Variants in CASR observed in about 807,000 individuals in gnomAD.
CASR encodes the protein extracellular calcium-sensing receptor.
In CASR, 23 loss-of-function variants were observed where a neutral mutation model predicts 69.1. The ratio of observed to expected loss-of-function variants is 0.33; its 90% CI spans 0.24 to 0.47. CASR has a LOEUF of 0.47. CASR is among the 20% of genes least tolerant of loss of function. The pLI, the probability that CASR is intolerant of heterozygous loss-of-function variation, is 1.00. For missense variants in CASR, 924 were observed against 1,356.1 expected (o/e 0.68, Z 5.00); for synonymous variants, 541 against 544.7 (o/e 0.99, Z 0.10).
intron 1 of CASR, among the ~76,000 whole-genome samples, chr3:122,220,909 G>T (rs1415416804): frequency 8.5e-5 from 13 of 152,306 alleles, no homozygotes; most frequent in Admixed American, 8.5e-4. Flanking sequence ...AGGAAGCAGA[G>T]GTTGCAATGA....
In CASR at chr3:122,263,155, C is replaced by T. The variant is rs116388678; in HGVS notation, c.1377+743C>T. Reference sequence around the variant, plus strand: ...GCATATGTGCCTTATTTTTTTCAATCAGACCATGTTTCACACTCCTTTTGT... The same window carrying T: ...GCATATGTGCCTTATTTTTTTCAATTAGACCATGTTTCACACTCCTTTTGT... On this transcript the variant is annotated intron_variant, in intron 4 of 6. Coordinates refer to ENST00000639785, the MANE Select transcript of CASR (RefSeq NM_000388.4). 4.1e-3 allele frequency among the ~76,000 whole-genome samples: 626 copies of T among 152,234 alleles called. 11 individuals are homozygous for T. The highest frequency in any genetic ancestry group is 0.014 in the African/African-American group (569 of 41,544).
At chr3:122,231,468 A>C (rs2074277684) in intron 1 of CASR, among the ~76,000 whole-genome samples, 1 of 152,216 alleles carries the variant, frequency 6.6e-6, no homozygotes, top group African/African-American at 2.4e-5. Context: ...AATTCTTACA[A>C]GTATTGTTTT....
At chr3:122,215,176 G>T (rs774920761) in intron 1 of CASR, among the ~76,000 whole-genome samples, 5 of 152,212 alleles carry the variant, frequency 3.3e-5, no homozygotes, top group East Asian at 3.8e-4. Flanking sequence ...TGAACTAAGG[G>T]CACAGCTGGA....
intron 1 of CASR, among the ~76,000 whole-genome samples, chr3:122,212,871 AC>A (rs2107596599): frequency 6.6e-6 from 1 of 152,086 alleles, no homozygotes; most frequent in Non-Finnish European, 1.5e-5. Flanking sequence ...CAAACTCCTG[AC>A]CTCAGGTGAT....
At chr3:122,197,564 G>A (rs2073902102) in intron 1 of CASR, among the ~76,000 whole-genome samples, 2 of 152,054 alleles carry the variant, frequency 1.3e-5, no homozygotes, top group African/African-American at 4.8e-5. Flanking sequence ...TGTCTCCTCA[G>A]TTTCTTTAAT....
intron 1 of CASR, among the ~76,000 whole-genome samples, chr3:122,198,846 T>C (rs555151845): frequency 6.6e-6 from 1 of 151,914 alleles, no homozygotes; most frequent in East Asian, 1.9e-4. Context: ...AGAGGATATA[T>C]ATATATATGG....
At position 122,257,216 on chromosome 3, in the gene CASR, C is replaced by T. The variant is rs1249294654; in HGVS notation, c.321C>T (p.Ala107=). ...IFDTCNTVSK[A]LEATLSFVAQ... is the part of the protein sequence containing the mutation. ...ACACTTGCAACACCGTTTCTAAGGC[C>T]TTGGAAGCCACCCTGAGTTTTGTTG... The change falls in exon 3 of 7, where the codon GCC becomes GCT. Residue 107 remains alanine, a synonymous_variant. Coordinates refer to ENST00000639785, the MANE Select transcript of CASR (RefSeq NM_000388.4). 6.2e-7 allele frequency: 1 copy of T among 1,614,066 alleles called. No homozygotes were observed. The highest frequency in any genetic ancestry group is 1.3e-5 in the African/African-American group (1 of 74,932).
At chr3:122,259,778 C>T (rs1002502022) in intron 3 of CASR, among the ~76,000 whole-genome samples, 6 of 152,006 alleles carry the variant, frequency 3.9e-5, no homozygotes, top group South Asian at 2.1e-4. Flanking sequence ...TACAGGCGCC[C>T]GCCACCACGC....
At chr3:122,283,333 G>C (rs75819991) in intron 6 of CASR, among the ~76,000 whole-genome samples, 1 of 152,312 alleles carries the variant, frequency 6.6e-6, no homozygotes, top group East Asian at 1.9e-4. Flanking sequence ...GCGAAGAGTT[G>C]ATGGACCATG....
intron 4 of CASR, among the ~76,000 whole-genome samples, chr3:122,273,854 G>A (rs1219426114): frequency 6.6e-6 from 1 of 152,190 alleles, no homozygotes; most frequent in Non-Finnish European, 1.5e-5. Context: ...GGAAAAGGAT[G>A]TGTTGGGGTA....
rs930646509 is a variant in CASR, at chr3:122,253,356, C to T, written c.-242-592C>T. On this transcript the variant is annotated intron_variant, in intron 1 of 6. Transcript: ENST00000639785. Reference sequence around the variant, plus strand: ...TCCCAGATTCAAGCAATTCTCCTGCCGCAGCCTCCCAAGTAGCTGGGATTA... The same window carrying T: ...TCCCAGATTCAAGCAATTCTCCTGCTGCAGCCTCCCAAGTAGCTGGGATTA... 3.3e-5 allele frequency among the ~76,000 whole-genome samples: 5 copies of T among 152,282 alleles called. No individual in the cohort carries two copies. In the East Asian group the frequency reaches 5.8e-4, roughly 18 times the overall value.
chr3:122,283,049 T>A (rs1466239106), intron 6 of CASR, among the ~76,000 whole-genome samples: 1 of 152,186 alleles, frequency 6.6e-6, no homozygotes, highest in Admixed American at 6.5e-5. Flanking sequence ...GCCTCCCTCA[T>A]CAAAAAGCTG....
rs2074959925 is a variant in CASR, at chr3:122,285,540, C to T, written c.*349C>T. ...TAAACTACCCTCCAGAGTGTGCAGA[C>T]TGATGGGACATCAAATTTGCCACCA... On this transcript the variant is annotated 3_prime_UTR_variant, in exon 7 of 7. Transcript: ENST00000639785. 3.5e-6 allele frequency: 1 copy of T among 282,834 alleles called. No homozygotes were observed. The highest frequency in any genetic ancestry group is 2.2e-5 in the African/African-American group (1 of 46,100). 17.5% of individuals were successfully genotyped at this position (282,834 alleles called of 1,614,324 possible).
chr3:122,233,373 C>G (rs547259155), intron 1 of CASR, among the ~76,000 whole-genome samples: 12 of 152,374 alleles, frequency 7.9e-5, no homozygotes, highest in Non-Finnish European at 1.5e-4. Flanking sequence ...TCTCTTGTCT[C>G]ACCAGTTCCA....
chr3:122,283,916 C>T lies in CASR; in HGVS notation c.1962C>T (p.Leu654=), dbSNP rs746231094. ...KATNRELSYL[L]LFSLLCCFSS... is the part of the protein sequence containing the mutation. Reference sequence around the variant, plus strand: ...CCAACCGAGAGCTCTCCTACCTCCTCCTCTTCTCCCTGCTCTGCTGCTTCT... The same window carrying T: ...CCAACCGAGAGCTCTCCTACCTCCTTCTCTTCTCCCTGCTCTGCTGCTTCT... Residue 654 remains leucine, a synonymous_variant, in exon 7 of 7, where the codon CTC becomes CTT. Transcript: ENST00000639785. 6.2e-7 allele frequency: 1 copy of T among 1,613,762 alleles called. No individual in the cohort carries two copies. Among genetic ancestry groups the T allele is most frequent in the Admixed American group, 1.7e-5 (1 of 60,028 alleles).
chr3:122,232,618 A>AT (rs2074289080), intron 1 of CASR, among the ~76,000 whole-genome samples: 1 of 152,148 alleles, frequency 6.6e-6, no homozygotes, highest in African/African-American at 2.4e-5. Flanking sequence ...GGGCCAGTGT[A>AT]TGCAGGGCCC....
chr3:122,203,921 G>T (rs1188361646), intron 1 of CASR, among the ~76,000 whole-genome samples: 2 of 151,972 alleles, frequency 1.3e-5, no homozygotes, highest in Non-Finnish European at 2.9e-5. Context: ...TCTCCATAAA[G>T]TTCTTATACA....
At chr3:122,266,545 T>A in intron 4 of CASR, among the ~76,000 whole-genome samples, 1 of 152,122 alleles carries the variant, frequency 6.6e-6, no homozygotes, top group South Asian at 2.1e-4. Flanking sequence ...TACTCCTATG[T>A]TTGGATCTTT....
intron 1 of CASR, among the ~76,000 whole-genome samples, chr3:122,202,043 G>A (rs916116560): frequency 1.8e-4 from 28 of 152,280 alleles, no homozygotes; most frequent in African/African-American, 4.6e-4. Flanking sequence ...CTGCAATCTC[G>A]GCACTTTGGG....
Sources: allele counts gnomAD v4.1 joint callset (sites outside exome capture counted in the v4.1 genomes callset), GRCh38; gene constraint gnomAD v4.1.1; transcripts MANE v1.5; gene names NCBI Gene and HGNC (gene_info 2026-07-23, HGNC 2026-07-21).